The following CADPS variants were observed in gnomAD, a reference collection of about 807,000 sequenced individuals.
CADPS encodes calcium-dependent secretion activator 1.
A neutral mutation model predicts 167.3 loss-of-function variants in CADPS; 57 were observed. The ratio of observed to expected loss-of-function variants is 0.34; its 90% CI spans 0.28 to 0.42. The LOEUF (loss-of-function observed/expected upper bound fraction) is 0.42, where lower values mean the gene tolerates loss of function less well. CADPS is among the 20% of genes least tolerant of loss of function. The pLI is 1.00. For synonymous variants in CADPS, 676 were observed against 635.3 expected (o/e 1.06, Z -0.96); for missense variants, 1,414 against 1,738.1 (o/e 0.81, Z 3.32).
At position 62,859,902 on chromosome 3, in the gene CADPS, A is replaced by G. The variant is rs116654913; in HGVS notation, c.441+14687T>C. 6.2e-3 allele frequency among the ~76,000 whole-genome samples: 946 copies of G among 152,296 alleles called. 10 individuals carry two copies. The highest frequency in any genetic ancestry group is 0.022 in the African/African-American group (908 of 41,574). ...AAGGCCAATCACTCTCTATTTGCCA[A>G]TCACCCAGAAGTCTACATTATCTTT... On this transcript the variant is annotated intron_variant, in intron 1 of 29. Coordinates refer to ENST00000383710, the MANE Select transcript of CADPS (RefSeq NM_003716.4).
At chr3:62,807,977 G>A (rs866322449) in intron 1 of CADPS, among the ~76,000 whole-genome samples, 4 of 151,834 alleles carry the variant, frequency 2.6e-5, no homozygotes, top group Admixed American at 6.6e-5. Context: ...GGGTTCACGC[G>A]ATTCTCCTGC....
chr3:62,782,230 C>G (rs930331841), intron 1 of CADPS, among the ~76,000 whole-genome samples: 4 of 152,142 alleles, frequency 2.6e-5, no homozygotes, highest in African/African-American at 7.2e-5. Context: ...ATTAATGAAG[C>G]CTCTCTAAAG....
At position 62,446,337 on chromosome 3, in the gene CADPS, G is replaced by A. The variant is rs560566777; in HGVS notation, c.3637-540C>T. On this transcript the variant is annotated intron_variant, in intron 26 of 29. Coordinates refer to ENST00000383710, the MANE Select transcript of CADPS (RefSeq NM_003716.4). This position sits in a 1 kb window ranked among gnomAD's most constrained non-coding sequence, Gnocchi z 4.9. The stretch of plus-strand genomic sequence containing the variant: ...AAAACTGCCCAAAGGCTGCCGTTAT[G>A]TCTCCTGCTTTTACGTGCTAAAAAT... Among the ~76,000 whole-genome samples, 31 of 152,298 alleles carry A rather than the reference G, an allele frequency of 2.0e-4. No individual in the cohort carries two copies. Among genetic ancestry groups the A allele is most frequent in the Non-Finnish European group, 2.9e-4 (20 of 68,034 alleles).
At chr3:62,622,375 C>T (rs142091488) in intron 6 of CADPS, among the ~76,000 whole-genome samples, 19 of 152,144 alleles carry the variant, frequency 1.2e-4, no homozygotes, top group African/African-American at 3.9e-4. Flanking sequence ...ACTTGTTTCC[C>T]AGGCCTTTTA....
intron 5 of CADPS, among the ~76,000 whole-genome samples, chr3:62,649,541 G>GTTTTTTTTTTTTTTTTT (rs1212818484): frequency 1.1e-4 from 8 of 75,000 alleles, no homozygotes; most frequent in African/African-American, 3.4e-4. Flanking sequence ...ACAATATGTG[G>GTTTTTTTTTTTTTTTTT]TCTTTTTTTT....
At chr3:62,696,269 G>A (rs34189145) in intron 3 of CADPS, among the ~76,000 whole-genome samples, 12,094 of 152,198 alleles carry the variant, frequency 0.079, 641 homozygotes, top group Non-Finnish European at 0.12. Context: ...TGCAGGGTGG[G>A]AGAGGGAACA....
chr3:62,667,158 G>A (rs542664312), intron 3 of CADPS, among the ~76,000 whole-genome samples: 6 of 150,808 alleles, frequency 4.0e-5, no homozygotes, highest in African/African-American at 1.5e-4. Flanking sequence ...GGCATGTTAT[G>A]AGGATTAAGT....
At position 62,549,971 on chromosome 3, in the gene CADPS, G is replaced by A. The variant is rs1265260594; in HGVS notation, c.1898C>T (p.Thr633Ile). 4 of 1,613,960 alleles carry A rather than the reference G, an allele frequency of 2.5e-6. No individual in the cohort carries two copies. Among genetic ancestry groups the A allele is most frequent in the Non-Finnish European group, 3.4e-6 (4 of 1,179,986 alleles). Residue 633 changes from threonine to isoleucine, a missense_variant, in exon 11 of 30, where the codon ACC becomes ATC. Physicochemically the swap from Thr to Ile is moderately conservative, Grantham distance 89. Coordinates refer to ENST00000383710, the MANE Select transcript of CADPS (RefSeq NM_003716.4). ...CTTGGCGTTGAGTTTCTGGACTTGG[G>A]TCGGGGGCACAGGCTTGTGTGACTG... Reference protein sequence around the residue: ...TGQSHKPVPPTQVQKLNAKGG... With the variant: ...TGQSHKPVPPIQVQKLNAKGG...
chr3:62,513,560 G>A, intron 16 of CADPS: 1 of 973,550 alleles, frequency 1.0e-6, no homozygotes, highest in East Asian at 2.6e-5. Flanking sequence ...GAGTGAGTTG[G>A]TTTGGATCTG....
intron 1 of CADPS, among the ~76,000 whole-genome samples, chr3:62,836,809 G>A (rs1349349632): frequency 2.6e-5 from 4 of 151,960 alleles, no homozygotes; most frequent in Admixed American, 6.5e-5. Context: ...CTTTCCTTTC[G>A]CCCACCCCCC....
intron 9 of CADPS, among the ~76,000 whole-genome samples, chr3:62,563,307 T>C (rs1404580765): frequency 6.6e-6 from 1 of 152,210 alleles, no homozygotes; most frequent in East Asian, 1.9e-4. Flanking sequence ...TTACAATTCA[T>C]TTTTGTGGTT....
At chr3:62,708,896 C>G (rs1302604888) in intron 3 of CADPS, among the ~76,000 whole-genome samples, 1 of 151,914 alleles carries the variant, frequency 6.6e-6, no homozygotes, top group Non-Finnish European at 1.5e-5. Flanking sequence ...AAGCAGAAAG[C>G]AAGTGCAGAC....
rs990376781 is a variant in CADPS, at chr3:62,799,891, T to C, written c.442-33907A>G. Among the ~76,000 whole-genome samples, 31 of 152,194 alleles carry C rather than the reference T, an allele frequency of 2.0e-4. 1 individual carries two copies. Among genetic ancestry groups the C allele is most frequent in the African/African-American group, 7.2e-4 (30 of 41,454 alleles). ...TCTTGGCTGTCCTTTCAAGGATATT[T>C]ACATGTCAAACAGTCTTGGAAAGTA... On this transcript the variant is annotated intron_variant, in intron 1 of 29. Transcript: ENST00000383710.
At chr3:62,456,154 C>T (rs375769872) in intron 26 of CADPS, among the ~76,000 whole-genome samples, 5 of 152,054 alleles carry the variant, frequency 3.3e-5, no homozygotes, top group East Asian at 3.9e-4. Context: ...TTTCAGTTTC[C>T]GCAACTGCAA....
chr3:62,615,820 A>G (rs1375274655), intron 6 of CADPS, among the ~76,000 whole-genome samples: 3 of 152,198 alleles, frequency 2.0e-5, no homozygotes, highest in Non-Finnish European at 2.9e-5. Flanking sequence ...ATTTGTTGAC[A>G]ATCAGAATTC....
intron 1 of CADPS, among the ~76,000 whole-genome samples, chr3:62,860,432 C>T (rs570272418): frequency 6.6e-6 from 1 of 152,222 alleles, no homozygotes; most frequent in African/African-American, 2.4e-5. Context: ...TAGGACCATC[C>T]CGTTCTGGCA....
intron 23 of CADPS, 51 bp from the exon 24 acceptor site, chr3:62,474,371 G>A (rs755034218): frequency 6.4e-6 from 10 of 1,566,012 alleles, no homozygotes; most frequent in Middle Eastern, 1.7e-4. Context: ...ATGGCAGCAG[G>A]TGGAGGAGAT....
At chr3:62,515,478 G>A (rs1212895743) in intron 16 of CADPS, among the ~76,000 whole-genome samples, 1 of 152,066 alleles carries the variant, frequency 6.6e-6, no homozygotes, top group African/African-American at 2.4e-5. Flanking sequence ...AGAGGGCAGT[G>A]GTAACAAGCA....
rs139684891 is a variant in CADPS, at chr3:62,691,013, A to C, written c.889-28619T>G. 2.2e-3 allele frequency among the ~76,000 whole-genome samples: 339 copies of C among 152,198 alleles called. 2 individuals are homozygous for C. Among genetic ancestry groups the C allele is most frequent in the Middle Eastern group, 0.01 (3 of 294 alleles). On this transcript the variant is annotated intron_variant, in intron 3 of 29. Transcript: ENST00000383710. ...AGCATGAAAAAGAAGTGAGCTATCAAACCTTGAAAAGATGTCGAGGAAGCT... is the reference window on the plus strand; with the variant it reads ...AGCATGAAAAAGAAGTGAGCTATCACACCTTGAAAAGATGTCGAGGAAGCT...
Sources: allele counts gnomAD v4.1 joint callset (sites outside exome capture counted in the v4.1 genomes callset), GRCh38; gene constraint gnomAD v4.1.1; non-coding constraint Gnocchi (gnomAD v3.1); transcripts MANE v1.5; gene names NCBI Gene and HGNC (gene_info 2026-07-23, HGNC 2026-07-21).